POLR2F: variants seen among roughly 807,000 people sequenced by gnomAD.
POLR2F encodes DNA-directed RNA polymerases I, II, and III subunit RPABC2.
Under a neutral mutation model 22.7 loss-of-function variants are expected in POLR2F, and 12 were observed. That is an observed-to-expected ratio of 0.53 (90% CI 0.34 to 0.86). POLR2F has a LOEUF of 0.86. POLR2F is among the 40% of genes least tolerant of loss of function. POLR2F has a pLI of 0.02. For synonymous variants in POLR2F, 57 were observed against 66.0 expected (o/e 0.86, Z 0.66); for missense variants, 126 against 171.5 (o/e 0.73, Z 1.48).
chr22:38,022,752 C>T (rs1487827982), intron 1 of POLR2F, among the ~76,000 whole-genome samples: 2 of 152,100 alleles, frequency 1.3e-5, no homozygotes, highest in East Asian at 1.9e-4. Flanking sequence ...GTGGCTCATG[C>T]CTGTAATCCC....
intron 1 of POLR2F, among the ~76,000 whole-genome samples, chr22:38,023,068 C>T (rs1021854533): frequency 6.6e-6 from 1 of 152,180 alleles, no homozygotes; most frequent in African/African-American, 2.4e-5. Flanking sequence ...CATTGAGATT[C>T]TCCTTCTGTG....
rs752675244 is a variant in POLR2F, at chr22:37,956,835, C to A, written c.83C>A (p.Ala28Asp). 3 of 1,612,762 alleles carry A rather than the reference C, an allele frequency of 1.9e-6. No homozygotes were observed. Among genetic ancestry groups the A allele is most frequent in the Non-Finnish European group, 1.7e-6 (2 of 1,178,810 alleles). ...EDEGLDDLENAEEEGQENVEI... is the reference protein window; with the variant it reads ...EDEGLDDLENDEEEGQENVEI... ...GAAGGGCTAGATGACTTGGAGAATG[C>A]CGAAGAGGTCAGTATTCAGCCTCAG... The change falls in exon 2 of 5, where the codon GCC becomes GAC. Residue 28 changes from alanine to aspartate, a missense_variant. Ala to Asp is a moderately radical substitution (Grantham distance 126). Transcript: ENST00000442738.
chr22:38,006,358 C>A (rs1033923294), intron 1 of POLR2F, among the ~76,000 whole-genome samples: 4 of 152,174 alleles, frequency 2.6e-5, no homozygotes, highest in Non-Finnish European at 4.4e-5. Flanking sequence ...ACCCCAGGGA[C>A]CTGGGATTAT....
At chr22:37,973,565 G>A (rs1291085754), downstream of POLR2F, 1 of 1,612,846 alleles carries the variant, frequency 6.2e-7, no homozygotes, top group East Asian at 2.2e-5. Flanking sequence ...GGGCCCTGAG[G>A]GGCTGGGGTC....
At chr22:37,962,358 T>G (rs954978660) in intron 3 of POLR2F, among the ~76,000 whole-genome samples, 1 of 152,236 alleles carries the variant, frequency 6.6e-6, no homozygotes, top group Non-Finnish European at 1.5e-5. Context: ...AGCACTGGGC[T>G]GTTGCCTCCT....
intron 4 of POLR2F, 105 bp downstream of exon 4, chr22:37,967,275 G>A (rs1931893314): frequency 1.3e-6 from 2 of 1,570,686 alleles, no homozygotes; most frequent in Non-Finnish European, 1.7e-6. Flanking sequence ...AGAAGTTGAT[G>A]CTTATTCCTA....
At chr22:37,994,647 T>C (rs2084695454) in intron 1 of POLR2F, among the ~76,000 whole-genome samples, 1 of 152,202 alleles carries the variant, frequency 6.6e-6, no homozygotes, top group African/African-American at 2.4e-5. Flanking sequence ...GCCTCCTGAG[T>C]AGCTGGCACT....
chr22:38,008,817 C>T (rs2145807322), intron 1 of POLR2F, among the ~76,000 whole-genome samples: 1 of 150,376 alleles, frequency 6.6e-6, no homozygotes, highest in East Asian at 1.9e-4. Context: ...GAGATTGCAC[C>T]ACTGCACTCC....
rs1238016492 is a variant in POLR2F, at chr22:38,017,190, C to A, written c.121-8679C>A. ...TCTAGGTCTGGGTGCCTAAAGCCTGCAAAACTGGTGTGCTGGGGAAGAAAG... is the reference window on the plus strand; with the variant it reads ...TCTAGGTCTGGGTGCCTAAAGCCTGAAAAACTGGTGTGCTGGGGAAGAAAG... On this transcript the variant is annotated intron_variant, in intron 1 of 2. Coordinates refer to the POLR2F transcript ENST00000333418. The surrounding 1 kb of genome is among the most constrained non-coding windows in gnomAD (Gnocchi z 4.1). 6.6e-6 allele frequency among the ~76,000 whole-genome samples: 1 copy of A among 152,186 alleles called. No individual in the cohort carries two copies.
intron 1 of POLR2F, among the ~76,000 whole-genome samples, chr22:37,991,754 G>GA (rs1461907732): frequency 1.3e-5 from 2 of 152,168 alleles, no homozygotes; most frequent in Non-Finnish European, 2.9e-5. Context: ...TGTACCAGGT[G>GA]ACTACTCAGT....
chr22:37,977,989 C>T (rs2145768283), intron 4 of POLR2F: 2 of 1,611,882 alleles, frequency 1.2e-6, no homozygotes, highest in Non-Finnish European at 1.7e-6. Flanking sequence ...GGCCTCCCCA[C>T]CGGGGCACTC....
intron 3 of POLR2F, among the ~76,000 whole-genome samples, chr22:37,966,486 AATG>A (rs1931856488): frequency 6.6e-6 from 1 of 151,990 alleles, no homozygotes; most frequent in Non-Finnish European, 1.5e-5. Flanking sequence ...AGAGAATGGA[AATG>A]ATGCCGGGCA....
upstream of POLR2F, among the ~76,000 whole-genome samples, chr22:37,981,381 C>T (rs958021864): frequency 6.6e-6 from 1 of 152,212 alleles, no homozygotes; most frequent in Non-Finnish European, 1.5e-5. Flanking sequence ...TGGCCCCATC[C>T]TCCCATTGGG....
At chr22:37,983,354 C>T, upstream of POLR2F, 1 of 1,606,414 alleles carries the variant, frequency 6.2e-7, no homozygotes, top group Non-Finnish European at 8.5e-7. This position sits in a 1 kb window ranked among gnomAD's most constrained non-coding sequence, Gnocchi z 9.5. Flanking sequence ...GTCGGGTGCT[C>T]ACCTCCAGAG....
intron 1 of POLR2F, among the ~76,000 whole-genome samples, chr22:38,002,787 G>A (rs889934270): frequency 2.0e-5 from 3 of 149,992 alleles, no homozygotes; most frequent in East Asian, 2.0e-4. Flanking sequence ...GTGCAGTGGC[G>A]CCATCTCAGC....
chr22:38,027,404 T>C (rs2085023814), downstream of POLR2F, among the ~76,000 whole-genome samples: 1 of 152,056 alleles, frequency 6.6e-6, no homozygotes, highest in South Asian at 2.1e-4. Flanking sequence ...CAAGAGCAGC[T>C]CAAGGAGGTC....
intron 1 of POLR2F, chr22:37,987,503 C>T: frequency 2.8e-6 from 1 of 355,558 alleles, no homozygotes; most frequent in South Asian, 2.1e-5. Context: ...GGTCCCTGGT[C>T]CCTCACCTGT....
At chr22:38,027,433 G>A (rs1051154094), downstream of POLR2F, among the ~76,000 whole-genome samples, 1 of 152,120 alleles carries the variant, frequency 6.6e-6, no homozygotes, top group African/African-American at 2.4e-5. Context: ...CTGCTCAGTG[G>A]GGGTGGTCCT....
At chr22:38,018,917 C>A (rs901044355) in intron 1 of POLR2F, among the ~76,000 whole-genome samples, 1 of 152,110 alleles carries the variant, frequency 6.6e-6, no homozygotes, top group Non-Finnish European at 1.5e-5. Flanking sequence ...CAGGATGGCT[C>A]GGGCACATGA....
Sources: gnomAD v4.1 joint callset for allele counts (sites outside exome capture counted in the v4.1 genomes callset) on GRCh38, gnomAD v4.1.1 for gene constraint, Gnocchi (gnomAD v3.1) non-coding constraint, MANE v1.5 for transcripts, NCBI Gene and HGNC (gene_info 2026-07-23, HGNC 2026-07-21) for gene names.